P2RX6: variants seen among roughly 807,000 people sequenced by gnomAD.
P2RX6 encodes P2X purinoceptor 6.
In P2RX6, 62 loss-of-function variants were observed where a neutral mutation model predicts 54.2. The ratio of observed to expected loss-of-function variants is 1.14; its 90% CI spans 0.93 to 1.41. The LOEUF is 1.41. Ranked by LOEUF, P2RX6 falls within the 40% of genes most tolerant of loss-of-function variation. The pLI is 0.00. For synonymous variants in P2RX6, 211 were observed against 231.9 expected (o/e 0.91, Z 0.82); for missense variants, 541 against 566.3 (o/e 0.96, Z 0.45).
intron 2 of P2RX6, among the ~76,000 whole-genome samples, chr22:21,017,663 A>T (rs1003674672): frequency 6.6e-6 from 1 of 152,216 alleles, no homozygotes; most frequent in Non-Finnish European, 1.5e-5. Flanking sequence ...TGCAGTGAGC[A>T]CTGATCACAA....
At position 21,027,929 on chromosome 22, in the gene P2RX6, G is replaced by A. The variant is rs41277939; in HGVS notation, c.*1312G>A. 306 of 152,410 alleles carry A rather than the reference G, an allele frequency of 2.0e-3. 1 individual carries two copies. Among genetic ancestry groups the A allele is most frequent in the Middle Eastern group, 3.4e-3 (1 of 294 alleles). 9.4% of individuals were successfully genotyped at this position (152,410 alleles called of 1,614,324 possible). A position where few individuals can be genotyped will look rare whatever the true frequency, so the allele number is the denominator to read the frequency against. On this transcript the variant is annotated 3_prime_UTR_variant, in exon 12 of 12. Transcript: ENST00000413302. ...GGCCTGGGTATCCAAGGAGGGGCAC[G>A]TGCACCTGATTCTCCTTGGGGCCCA...
Position 21,026,977 on chromosome 22 carries a change from G to A in P2RX6, c.*360G>A. ...GCAGAGGTATGCTTACCAGCTGTCA[G>A]CACAGACCCTCCTGCTGCCTGGGTC... On this transcript the variant is annotated 3_prime_UTR_variant, in exon 12 of 12. Transcript: ENST00000413302. This position sits in a 1 kb window ranked among gnomAD's most constrained non-coding sequence, Gnocchi z 4.0. 3.6e-6 allele frequency: 1 copy of A among 277,506 alleles called. No individual in the cohort carries two copies. Among genetic ancestry groups the A allele is most frequent in the Non-Finnish European group, 6.8e-6 (1 of 146,766 alleles). The allele number at this position is 277,506 out of a possible 1,614,324, so 17.2% of individuals were successfully genotyped here.
chr22:21,024,068 TC>T (rs1927965680), intron 8 of P2RX6, among the ~76,000 whole-genome samples: 1 of 150,992 alleles, frequency 6.6e-6, no homozygotes, highest in Non-Finnish European at 1.5e-5. Context: ...CGATTCTCCT[TC>T]CTCAGCCTCC....
intron 1 of P2RX6, chr22:21,010,056 C>T (rs371923606): frequency 1.2e-4 from 18 of 152,394 alleles, no homozygotes; most frequent in African/African-American, 4.3e-4. Flanking sequence ...CCCTTGCAGC[C>T]ATCCTATGCG....
chr22:21,015,858 G>A, intron 1 of P2RX6, 84 bp from the exon 2 acceptor site: 11 of 1,396,122 alleles, frequency 7.9e-6, no homozygotes, highest in South Asian at 2.8e-5. Context: ...GGGTGTGGGG[G>A]GAGAACTGAG....
chr22:21,022,544 C>T (rs953764038), intron 3 of P2RX6, 132 bp from the exon 4 acceptor site: 25 of 599,110 alleles, frequency 4.2e-5, no homozygotes, highest in South Asian at 3.5e-4. Flanking sequence ...ACTCTGGCGG[C>T]GGGGTGGTGA....
chr22:21,013,498 G>A (rs75261970), upstream of P2RX6, among the ~76,000 whole-genome samples: 146 of 152,332 alleles, frequency 9.6e-4, no homozygotes, highest in African/African-American at 3.4e-3. Context: ...TGAGGCAGGA[G>A]GCTCACCAGA....
chr22:21,013,426 TA>T (rs1294978163), upstream of P2RX6, among the ~76,000 whole-genome samples: 1 of 152,132 alleles, frequency 6.6e-6, no homozygotes, highest in Non-Finnish European at 1.5e-5. Flanking sequence ...CATAGCGAGA[TA>T]AAAAATTATT....
At chr22:21,014,840 G>A (rs752384376), upstream of P2RX6, among the ~76,000 whole-genome samples, 1 of 152,128 alleles carries the variant, frequency 6.6e-6, no homozygotes, top group Non-Finnish European at 1.5e-5. Flanking sequence ...CACCCTCCCC[G>A]CCCTGCTGCT....
intron 8 of P2RX6, 119 bp from the exon 9 acceptor site, chr22:21,025,686 C>G (rs1928305956): frequency 4.3e-6 from 3 of 704,756 alleles, no homozygotes; most frequent in Non-Finnish European, 7.3e-6. Context: ...AGACCCAGGA[C>G]TCAGGCTTGG....
upstream of P2RX6, among the ~76,000 whole-genome samples, chr22:21,013,369 C>G (rs2147990698): frequency 6.6e-6 from 1 of 152,326 alleles, no homozygotes; most frequent in South Asian, 2.1e-4. Context: ...CAAATCTTTT[C>G]CTTAAAGTCA....
At chr22:21,017,879 T>A (rs1191352878) in intron 2 of P2RX6, 110 bp from the exon 3 acceptor site, 3 of 735,314 alleles carry the variant, frequency 4.1e-6, no homozygotes, top group African/African-American at 1.7e-5. Flanking sequence ...GGGACAGGGT[T>A]AATGACTTGA....
chr22:21,012,384 C>A (rs528082693), upstream of P2RX6: 1 of 327,726 alleles, frequency 3.1e-6, no homozygotes, highest in Non-Finnish European at 5.8e-6. Flanking sequence ...CCACATACCC[C>A]CTCCTGTGAT....
upstream of P2RX6, among the ~76,000 whole-genome samples, chr22:21,010,788 C>T (rs1372842831): frequency 6.6e-6 from 1 of 151,984 alleles, no homozygotes; most frequent in Non-Finnish European, 1.5e-5. Context: ...TTTGCCACGG[C>T]CTACAGCCCT....
rs998834688 is a variant in P2RX6 at position 21,027,251 on chromosome 22, C to T, written c.*634C>T. 2 of 153,022 alleles carry T rather than the reference C, an allele frequency of 1.3e-5. No homozygotes were observed. Among genetic ancestry groups the T allele is most frequent in the Non-Finnish European group, 2.9e-5 (2 of 68,750 alleles). The allele number at this position is 153,022 out of a possible 1,614,324, so 9.5% of individuals were successfully genotyped here. A position where few individuals can be genotyped will look rare whatever the true frequency, so the allele number is the denominator to read the frequency against. Reference sequence around the variant, plus strand: ...CAAGGGCGGAGCATGTGTCTTGGGCCCACACCTGCTTAGTTTATGAGGACC... The same window carrying T: ...CAAGGGCGGAGCATGTGTCTTGGGCTCACACCTGCTTAGTTTATGAGGACC... On this transcript the variant is annotated 3_prime_UTR_variant, in exon 12 of 12. Coordinates refer to ENST00000413302, the MANE Select transcript of P2RX6 (RefSeq NM_005446.5).
At position 21,026,672 on chromosome 22, in the gene P2RX6, G is replaced by T; in HGVS notation, c.*55G>T. ...TGGGAAGGGCGGGGCCCTGCCTGGG[G>T]ATCTCAAGGATGAGGCCCCAGCATG... On this transcript the variant is annotated 3_prime_UTR_variant, in exon 12 of 12. Coordinates refer to ENST00000413302, the MANE Select transcript of P2RX6 (RefSeq NM_005446.5). The surrounding 1 kb of genome is among the most constrained non-coding windows in gnomAD (Gnocchi z 4.0). 1.8e-5 allele frequency: 27 copies of T among 1,525,196 alleles called. No homozygotes were observed. Among genetic ancestry groups the T allele is most frequent in the Non-Finnish European group, 2.3e-5 (26 of 1,132,256 alleles). The allele number at this position is 1,525,196 out of a possible 1,614,324, so 94.5% of individuals were successfully genotyped here.
rs1272399563 is a variant in P2RX6, at chr22:21,026,223, G to A, written c.1051-29G>A. ...TGGCAGGAGAGCAGGCTCGGGGGCTGGAACATGGGTTGGCCCTGCCTCTCC... is the reference window on the plus strand; with the variant it reads ...TGGCAGGAGAGCAGGCTCGGGGGCTAGAACATGGGTTGGCCCTGCCTCTCC... On this transcript the variant is annotated intron_variant, in intron 10 of 11. Transcript: ENST00000413302. This position sits in a 1 kb window ranked among gnomAD's most constrained non-coding sequence, Gnocchi z 4.0. 6.4e-7 allele frequency: 1 copy of A among 1,569,912 alleles called. No individual in the cohort carries two copies. Among genetic ancestry groups the A allele is most frequent in the African/African-American group, 1.3e-5 (1 of 74,086 alleles).
intron 3 of P2RX6, among the ~76,000 whole-genome samples, chr22:21,022,308 A>G (rs1287625699): frequency 6.6e-6 from 1 of 152,250 alleles, no homozygotes. Context: ...CGGGAGGGCG[A>G]GGCTGTAGTG....
chr22:21,023,542 T>C lies in P2RX6; in HGVS notation c.814T>C (p.Cys272Arg). Residue 272 changes from cysteine (C) to arginine (R), a missense_variant, in exon 8 of 12, where the codon TGT becomes CGT. Transcript: ENST00000413302. ...GSVGIRVHWD[C>R]DLDTGDSGCW... ...TGTAGGCATCAGAGTTCACTGGGAT[T>C]GTGACCTGGACACCGGGGACTCTGG... is the stretch of plus-strand genomic sequence containing the variant. 1 of 1,613,804 alleles carries C rather than the reference T, an allele frequency of 6.2e-7. No individual in the cohort carries two copies. Among genetic ancestry groups the C allele is most frequent in the Non-Finnish European group, 8.5e-7 (1 of 1,179,806 alleles).
Sources: allele counts gnomAD v4.1 joint callset (sites outside exome capture counted in the v4.1 genomes callset), GRCh38; gene constraint gnomAD v4.1.1; non-coding constraint Gnocchi (gnomAD v3.1); transcripts MANE v1.5; gene names NCBI Gene and HGNC (gene_info 2026-07-23, HGNC 2026-07-21).